The following DOCK8 variants were observed in gnomAD, a reference collection of about 807,000 sequenced individuals.
DOCK8 encodes dedicator of cytokinesis 8, also known as dedicator of cytokinesis protein 8.
DOCK8 carries 141 observed loss-of-function variants against 245.6 expected under a neutral mutation model. The observed-to-expected ratio is 0.57, with a 90% confidence interval of 0.50 to 0.66. DOCK8 has a LOEUF of 0.66. DOCK8 is among the 30% of genes least tolerant of loss of function. The pLI, the probability that DOCK8 is intolerant of heterozygous loss-of-function variation, is 0.00. For synonymous variants in DOCK8, 1,168 were observed against 970.2 expected, an observed-to-expected ratio of 1.20 and a Z score of -3.79; for missense variants, 2,965 against 2,603.4, an observed-to-expected ratio of 1.14 and a Z score of -3.02.
intron 28 of DOCK8, among the ~76,000 whole-genome samples, chr9:413,278 A>G (rs1177082034): frequency 1.3e-5 from 2 of 152,226 alleles, no homozygotes; most frequent in African/African-American, 2.4e-5. Flanking sequence ...AAAGACCTAA[A>G]TGTAAGAGCT....
chr9:378,305 G>C (rs1162173839), intron 20 of DOCK8, among the ~76,000 whole-genome samples: 1 of 152,242 alleles, frequency 6.6e-6, no homozygotes, highest in African/African-American at 2.4e-5. Context: ...GCAATGAGAT[G>C]AGTGCAGCAC....
intron 1 of DOCK8, among the ~76,000 whole-genome samples, chr9:249,922 C>T (rs1451023990): frequency 6.6e-6 from 1 of 152,126 alleles, no homozygotes; most frequent in South Asian, 2.1e-4. Flanking sequence ...ACTGCTGCAC[C>T]TGGCTGACGT....
chr9:391,004 A>C (rs1157867069), intron 24 of DOCK8, among the ~76,000 whole-genome samples: 2 of 152,214 alleles, frequency 1.3e-5, no homozygotes, highest in Non-Finnish European at 2.9e-5. Flanking sequence ...AAGCCCTTGT[A>C]TGATTCTGTT....
At position 325,818 on chromosome 9, in the gene DOCK8, G is replaced by A. The variant is rs934158852; in HGVS notation, c.894+81G>A. 1.5e-5 allele frequency: 16 copies of A among 1,071,434 alleles called. No homozygotes were observed. In the East Asian group the frequency reaches 1.9e-4, roughly 13 times the overall value. 66.4% of individuals were successfully genotyped at this position (1,071,434 alleles called of 1,614,324 possible). On this transcript the variant is annotated intron_variant, in intron 8 of 47. Transcript: ENST00000432829. Reference sequence around the variant, plus strand: ...TGCATGTATGTTTTTAAATTTCTTTGCAGCAAGAACCTATCAGATTTGAAA... The same window carrying A: ...TGCATGTATGTTTTTAAATTTCTTTACAGCAAGAACCTATCAGATTTGAAA...
Position 242,094 on chromosome 9 carries a change from C to G in DOCK8, c.53+27065C>G, listed in dbSNP as rs150039573. On this transcript the variant is annotated intron_variant, in intron 1 of 47. Coordinates refer to ENST00000432829, the MANE Select transcript of DOCK8 (RefSeq NM_203447.4). The stretch of plus-strand genomic sequence containing the variant: ...TGTTGGTACATGCGATCTGCAGGGC[C>G]TTAGACGAATCATACATTTCATCTC... Among the ~76,000 whole-genome samples, 69 of 152,294 alleles carry G rather than the reference C, an allele frequency of 4.5e-4. 1 individual carries two copies. The highest frequency in any genetic ancestry group is 1.7e-3 in the African/African-American group (69 of 41,562).
chr9:389,690 A>G (rs2131347417), intron 23 of DOCK8, among the ~76,000 whole-genome samples: 1 of 152,164 alleles, frequency 6.6e-6, no homozygotes, highest in South Asian at 2.1e-4. Context: ...GGGGCCCCCC[A>G]GTCTGTGTTT....
chr9:379,871 G>T lies in DOCK8; in HGVS notation c.2541G>T (p.Leu847=). 2.5e-6 allele frequency: 4 copies of T among 1,614,242 alleles called. No homozygotes were observed. Among genetic ancestry groups the T allele is most frequent in the Non-Finnish European group, 3.4e-6 (4 of 1,180,050 alleles). ...LSKDQHGRNC[L]LASYVHYVFR... ...AGGACCAGCATGGGAGGAACTGCCTGCTGGCTTCCTACGTGCACTACGTCT... is the reference window on the plus strand; with the variant it reads ...AGGACCAGCATGGGAGGAACTGCCTTCTGGCTTCCTACGTGCACTACGTCT... Residue 847 remains leucine, a synonymous_variant, in exon 21 of 48, where the codon CTG becomes CTT. Coordinates refer to ENST00000432829, the MANE Select transcript of DOCK8 (RefSeq NM_203447.4).
intron 45 of DOCK8, among the ~76,000 whole-genome samples, chr9:450,610 T>C (rs1446619086): frequency 1.3e-5 from 2 of 152,122 alleles, no homozygotes; most frequent in Non-Finnish European, 2.9e-5. Flanking sequence ...TCAGTGAGCA[T>C]CATGAGTCTT....
chr9:339,736 G>C (rs1316074706), intron 13 of DOCK8, among the ~76,000 whole-genome samples: 3 of 152,128 alleles, frequency 2.0e-5, no homozygotes, highest in African/African-American at 4.8e-5. Context: ...GGATTGTCTC[G>C]ATCTCTTGAC....
chr9:215,238 C>T, intron 1 of DOCK8: 1 of 1,580,778 alleles, frequency 6.3e-7, no homozygotes, highest in Non-Finnish European at 8.6e-7. Flanking sequence ...CGAGGTCCTC[C>T]CCAAGAATCT....
chr9:416,225 C>G (rs755158936), intron 29 of DOCK8, among the ~76,000 whole-genome samples: 1 of 152,128 alleles, frequency 6.6e-6, no homozygotes, highest in Non-Finnish European at 1.5e-5. Context: ...CCTCTAGCAG[C>G]GCCTGATTGC....
At chr9:418,237 T>G in intron 30 of DOCK8, 30 bp downstream of exon 30, 1 of 1,613,736 alleles carries the variant, frequency 6.2e-7, no homozygotes, top group Non-Finnish European at 8.5e-7. Context: ...TCTGGTTGAT[T>G]TTTCATTTCA....
chr9:282,589 T>TAA (rs34430420), intron 2 of DOCK8, among the ~76,000 whole-genome samples: 2 of 145,648 alleles, frequency 1.4e-5, no homozygotes, highest in African/African-American at 5.0e-5. Flanking sequence ...CATCTAACTT[T>TAA]AAAAAAAAAA....
At chr9:436,404 C>A (rs1175614723) in intron 39 of DOCK8, among the ~76,000 whole-genome samples, 1 of 152,120 alleles carries the variant, frequency 6.6e-6, no homozygotes, top group Non-Finnish European at 1.5e-5. Flanking sequence ...TTTATTTTGA[C>A]CATGTGATAC....
At chr9:462,573 C>T (rs1033325489) in intron 46 of DOCK8, among the ~76,000 whole-genome samples, 4 of 152,340 alleles carry the variant, frequency 2.6e-5, no homozygotes, top group Non-Finnish European at 4.4e-5. Context: ...CTTTGAAGCC[C>T]CTTCCCCTCA....
chr9:274,699 C>T (rs2048277627), intron 2 of DOCK8, among the ~76,000 whole-genome samples: 1 of 152,020 alleles, frequency 6.6e-6, no homozygotes, highest in African/African-American at 2.4e-5. Flanking sequence ...GATAATGGAA[C>T]ATGTCGGTAA....
intron 24 of DOCK8, 110 bp downstream of exon 24, chr9:390,676 G>A (rs1367851288): frequency 2.9e-6 from 3 of 1,022,640 alleles, no homozygotes; most frequent in Non-Finnish European, 3.1e-6. Flanking sequence ...ACCTGGGGTG[G>A]TTTCTTGAAA....
chr9:332,539 G>C, intron 10 of DOCK8, 61 bp downstream of exon 10: 2 of 1,220,618 alleles, frequency 1.6e-6, no homozygotes, highest in Non-Finnish European at 1.2e-6. Context: ...ATTTTCAGAA[G>C]TGTTACACAA....
At chr9:381,775 C>T (rs1030043455) in intron 21 of DOCK8, among the ~76,000 whole-genome samples, 2 of 152,046 alleles carry the variant, frequency 1.3e-5, no homozygotes, top group Non-Finnish European at 2.9e-5. Flanking sequence ...GCCTAGGCAA[C>T]GTGACAAAAG....
Sources: gnomAD v4.1 joint callset for allele counts (sites outside exome capture counted in the v4.1 genomes callset) on GRCh38, gnomAD v4.1.1 for gene constraint, MANE v1.5 for transcripts, NCBI Gene and HGNC (gene_info 2026-07-23, HGNC 2026-07-21) for gene names.